MAP2K6: variants seen among roughly 807,000 people sequenced by gnomAD.
MAP2K6 encodes dual specificity mitogen-activated protein kinase kinase 6.
Under a neutral mutation model 53.7 loss-of-function variants are expected in MAP2K6, and 16 were observed. That is an observed-to-expected ratio of 0.30 (90% CI 0.20 to 0.45). MAP2K6 has a LOEUF of 0.45. MAP2K6 is among the 20% of genes least tolerant of loss of function. The pLI, the probability that MAP2K6 is intolerant of heterozygous loss-of-function variation, is 1.00. For missense variants in MAP2K6, 204 were observed against 411.9 expected (o/e 0.50, Z 4.37); for synonymous variants, 132 against 143.1 (o/e 0.92, Z 0.55).
At position 69,494,803 on chromosome 17, in the gene MAP2K6, C is replaced by T. The variant is rs1336393584; in HGVS notation, c.17-10977C>T. ...GGTGGATCACCTGAGGTCAGGAATT[C>T]GAGACCAGCCTGGCCAACATGGCGA... On this transcript the variant is annotated intron_variant, in intron 1 of 11. Coordinates refer to ENST00000590474, the MANE Select transcript of MAP2K6 (RefSeq NM_002758.4). This position sits in a 1 kb window ranked among gnomAD's most constrained non-coding sequence, Gnocchi z 4.2. Among the ~76,000 whole-genome samples the T allele has an allele frequency of 2.0e-5, 3 of 151,566 alleles. No individual in the cohort carries two copies. The highest frequency in any genetic ancestry group is 7.3e-5 in the African/African-American group (3 of 41,250).
At chr17:69,429,141 C>T (rs1338466324) in intron 1 of MAP2K6, among the ~76,000 whole-genome samples, 1 of 151,968 alleles carries the variant, frequency 6.6e-6, no homozygotes, top group Non-Finnish European at 1.5e-5. Flanking sequence ...GACAAAGTTT[C>T]AGAGGGAGAG....
At chr17:69,536,067 A>C (rs765585492) in intron 10 of MAP2K6, 48 bp from the exon 11 acceptor site, 3 of 1,284,578 alleles carry the variant, frequency 2.3e-6, no homozygotes, top group Non-Finnish European at 3.4e-6. Context: ...TGTCTAATGA[A>C]AATATATATG....
At chr17:69,441,510 G>T (rs1480170601) in intron 1 of MAP2K6, among the ~76,000 whole-genome samples, 2 of 152,106 alleles carry the variant, frequency 1.3e-5, no homozygotes, top group African/African-American at 4.8e-5. Context: ...TCTTTGCTGA[G>T]ATGTCCTCTT....
rs1173017353 is a variant in MAP2K6, at chr17:69,548,184, T to G, written c.*6431T>G. The G allele has an allele frequency of 6.6e-6, 1 of 152,148 alleles. No homozygotes were observed. The highest frequency in any genetic ancestry group is 1.5e-5 in the Non-Finnish European group (1 of 68,020). The allele number at this position is 152,148 out of a possible 1,614,324, so 9.4% of individuals were successfully genotyped here. On this transcript the variant is annotated 3_prime_UTR_variant, in exon 12 of 12. Transcript: ENST00000590474. Reference sequence around the variant, plus strand: ...CACAAAAGTGAGAGGAGTACTTCTCTTTTTTTAAATCATCAGTAAATTTCA... The same window carrying G: ...CACAAAAGTGAGAGGAGTACTTCTCGTTTTTTAAATCATCAGTAAATTTCA...
Position 69,453,609 on chromosome 17 carries a change from A to G in MAP2K6, c.16+38609A>G, listed in dbSNP as rs542836893. Among the ~76,000 whole-genome samples the G allele has an allele frequency of 3.9e-5, 6 of 152,318 alleles. No homozygotes were observed. The South Asian group carries it at 1.0e-3, about 26-fold the overall frequency. Reference sequence around the variant, plus strand: ...TTAGAATGCATATGTATGCATATATATTTGAATTGCTTATTGATTGATAAT... The same window carrying G: ...TTAGAATGCATATGTATGCATATATGTTTGAATTGCTTATTGATTGATAAT... On this transcript the variant is annotated intron_variant, in intron 1 of 11. Coordinates refer to ENST00000590474, the MANE Select transcript of MAP2K6 (RefSeq NM_002758.4).
intron 1 of MAP2K6, chr17:69,434,811 C>T (rs1219606997): frequency 6.6e-6 from 1 of 152,104 alleles, no homozygotes; most frequent in African/African-American, 2.4e-5. Flanking sequence ...TTAACAAGAT[C>T]TGTGATCTCC....
intron 10 of MAP2K6, among the ~76,000 whole-genome samples, chr17:69,531,918 G>A (rs907284054): frequency 8.5e-5 from 13 of 152,150 alleles, no homozygotes; most frequent in African/African-American, 1.7e-4. Flanking sequence ...GTTAACAAAC[G>A]AGTTCGCAAA....
chr17:69,496,278 T>TTC (rs1357837560), intron 1 of MAP2K6, among the ~76,000 whole-genome samples: 1 of 149,954 alleles, frequency 6.7e-6, no homozygotes, highest in East Asian at 1.9e-4. Context: ...TCCCTTCTTT[T>TTC]TTTTTTTTTT....
rs996037561 is a variant in MAP2K6, at chr17:69,549,530, T to G, written c.*7777T>G. 1 of 152,198 alleles carries G rather than the reference T, an allele frequency of 6.6e-6. No individual in the cohort carries two copies. Among genetic ancestry groups the G allele is most frequent in the African/African-American group, 2.4e-5 (1 of 41,456 alleles). 9.4% of individuals were successfully genotyped at this position (152,198 alleles called of 1,614,324 possible). ...ATGCTTTTGTGGTAAGGAACTGATC[T>G]GGCCATTTTCATATAACAAAAATCA... is the stretch of plus-strand genomic sequence containing the variant. On this transcript the variant is annotated 3_prime_UTR_variant, in exon 12 of 12. Transcript: ENST00000590474.
chr17:69,469,562 G>C (rs970550051), intron 1 of MAP2K6, among the ~76,000 whole-genome samples: 5 of 152,130 alleles, frequency 3.3e-5, no homozygotes, highest in African/African-American at 9.7e-5. Context: ...AGGAGTTCAA[G>C]ACCAGCCTGG....
At chr17:69,421,379 T>C (rs1906074342) in intron 1 of MAP2K6, among the ~76,000 whole-genome samples, 1 of 152,192 alleles carries the variant, frequency 6.6e-6, no homozygotes, top group African/African-American at 2.4e-5. Flanking sequence ...AATTCTCTGC[T>C]AACTTTCTTT....
At chr17:69,540,083 G>A (rs1911541290) in intron 11 of MAP2K6, among the ~76,000 whole-genome samples, 1 of 152,098 alleles carries the variant, frequency 6.6e-6, no homozygotes, top group African/African-American at 2.4e-5. Context: ...ATCTTCTTTG[G>A]GGTTTTTATT....
chr17:69,521,183 C>T, intron 7 of MAP2K6, 83 bp downstream of exon 7: 1 of 1,231,546 alleles, frequency 8.1e-7, no homozygotes, highest in Admixed American at 1.9e-5. Context: ...CCCCAGTCCC[C>T]CATGGGTGGA....
At chr17:69,510,320 T>C (rs533984608) in intron 2 of MAP2K6, among the ~76,000 whole-genome samples, 5 of 152,252 alleles carry the variant, frequency 3.3e-5, no homozygotes, top group Non-Finnish European at 5.9e-5. Context: ...AGTTATGGTA[T>C]ATATATTTTT....
rs1213533870 is a variant in MAP2K6, at chr17:69,546,392, C to T, written c.*4639C>T. 2 of 152,168 alleles carry T rather than the reference C, an allele frequency of 1.3e-5. No homozygotes were observed. The highest frequency in any genetic ancestry group is 2.9e-5 in the Non-Finnish European group (2 of 68,042). 9.4% of individuals were successfully genotyped at this position (152,168 alleles called of 1,614,324 possible). A position where few individuals can be genotyped will look rare whatever the true frequency, so the allele number is the denominator to read the frequency against. ...CTAAGATGGACAGGGTTCCTGATTT[C>T]TCTCATTGAACTTGATTTAGTGTCT... On this transcript the variant is annotated 3_prime_UTR_variant, in exon 12 of 12. Coordinates refer to ENST00000590474, the MANE Select transcript of MAP2K6 (RefSeq NM_002758.4).
At chr17:69,422,298 AT>A (rs1293347554) in intron 1 of MAP2K6, among the ~76,000 whole-genome samples, 3 of 151,454 alleles carry the variant, frequency 2.0e-5, no homozygotes, top group Non-Finnish European at 4.4e-5. Flanking sequence ...TACCAGGCTA[AT>A]TTTTGTATTT....
At chr17:69,514,308 C>T (rs1396100039) in intron 2 of MAP2K6, among the ~76,000 whole-genome samples, 3 of 152,036 alleles carry the variant, frequency 2.0e-5, no homozygotes, top group African/African-American at 7.2e-5. Flanking sequence ...TTGATTCTTC[C>T]AGAAACCTTT....
intron 1 of MAP2K6, among the ~76,000 whole-genome samples, chr17:69,430,717 G>C (rs1906434961): frequency 6.6e-6 from 1 of 152,176 alleles, no homozygotes; most frequent in African/African-American, 2.4e-5. Context: ...AGGAAGCAGT[G>C]AATCAGCTGG....
chr17:69,476,590 G>A (rs1295814656), intron 1 of MAP2K6, among the ~76,000 whole-genome samples: 1 of 152,204 alleles, frequency 6.6e-6, no homozygotes, highest in South Asian at 2.1e-4. Flanking sequence ...TACACTGATA[G>A]ATTAGGCATT....
Sources: allele counts gnomAD v4.1 joint callset (sites outside exome capture counted in the v4.1 genomes callset), GRCh38; gene constraint gnomAD v4.1.1; non-coding constraint Gnocchi (gnomAD v3.1); transcripts MANE v1.5; gene names NCBI Gene and HGNC (gene_info 2026-07-23, HGNC 2026-07-21).